Variants in CDH12 observed in about 807,000 individuals in gnomAD.
CDH12 encodes cadherin 12.
A neutral mutation model predicts 74.1 loss-of-function variants in CDH12; 41 were observed. The ratio of observed to expected loss-of-function variants is 0.55; its 90% CI spans 0.43 to 0.72. The LOEUF is 0.72. Among genes scored for constraint, CDH12 ranks in the 30% least tolerant of loss-of-function variants. The pLI is 0.00. For missense variants in CDH12, 945 were observed against 977.2 expected, an observed-to-expected ratio of 0.97 and a Z score of 0.44; for synonymous variants, 399 against 355.0, an observed-to-expected ratio of 1.12 and a Z score of -1.39.
chr5:22,268,888 T>G (rs570573805), intron 3 of CDH12, among the ~76,000 whole-genome samples: 1 of 152,246 alleles, frequency 6.6e-6, no homozygotes, highest in South Asian at 2.1e-4. Flanking sequence ...GATCTCCTAA[T>G]AAAAGTTCTA....
intron 6 of CDH12, chr5:21,889,729 T>C (rs7446301): frequency 0.99 from 974,955 of 985,232 alleles, 482,888 homozygotes; most frequent in Non-Finnish European, 1. Flanking sequence ...AAACAATATA[T>C]GGGGTTTTGT....
At chr5:22,527,539 T>C (rs542418971) in intron 1 of CDH12, among the ~76,000 whole-genome samples, 7 of 152,252 alleles carry the variant, frequency 4.6e-5, no homozygotes, top group African/African-American at 1.7e-4. Context: ...CCCATTATGG[T>C]AACCACATCC....
At chr5:21,768,220 A>G (rs1370965604) in intron 11 of CDH12, among the ~76,000 whole-genome samples, 1 of 151,788 alleles carries the variant, frequency 6.6e-6, no homozygotes. Context: ...CACATTGCCT[A>G]TATTTAATAG....
intron 3 of CDH12, among the ~76,000 whole-genome samples, chr5:22,393,721 G>A (rs1161282165): frequency 3.3e-5 from 5 of 152,142 alleles, no homozygotes; most frequent in African/African-American, 9.7e-5. Context: ...GGTAGAGAAA[G>A]TCTCTAATGC....
At chr5:22,828,964 C>T (rs929058068) in intron 1 of CDH12, among the ~76,000 whole-genome samples, 4 of 151,956 alleles carry the variant, frequency 2.6e-5, no homozygotes, top group Non-Finnish European at 5.9e-5. Context: ...TTCCTGGGCT[C>T]AAATAAAGAA....
At chr5:22,174,757 C>T (rs1173316697) in intron 4 of CDH12, among the ~76,000 whole-genome samples, 1 of 151,980 alleles carries the variant, frequency 6.6e-6, no homozygotes, top group East Asian at 1.9e-4. Context: ...CCGAATCCAC[C>T]ACACTCTGGT....
intron 10 of CDH12, 111 bp from the exon 11 acceptor site, chr5:21,783,605 C>A: frequency 2.7e-6 from 2 of 746,806 alleles, no homozygotes; most frequent in South Asian, 3.5e-5. Flanking sequence ...CTATTACCCA[C>A]CTTGCAATAA....
At chr5:22,596,310 G>A (rs575346180) in intron 1 of CDH12, among the ~76,000 whole-genome samples, 1 of 151,266 alleles carries the variant, frequency 6.6e-6, no homozygotes, top group African/African-American at 2.4e-5. Context: ...GTGTGGTGGC[G>A]GACAGCTATA....
At chr5:22,562,084 G>A (rs1163004983) in intron 1 of CDH12, among the ~76,000 whole-genome samples, 1 of 152,172 alleles carries the variant, frequency 6.6e-6, no homozygotes, top group East Asian at 1.9e-4. Flanking sequence ...TTGGGAGGCC[G>A]AGGCGGGCGG....
chr5:21,893,411 AAAG>A (rs1752980996), intron 6 of CDH12, among the ~76,000 whole-genome samples: 1 of 152,198 alleles, frequency 6.6e-6, no homozygotes, highest in South Asian at 2.1e-4. Flanking sequence ...GCCCATTAGA[AAAG>A]AAGCGGGAAT....
rs202224826 is a variant in CDH12 at position 21,932,169 on chromosome 5, A to C, written c.526+42922T>G. Among the ~76,000 whole-genome samples the C allele has an allele frequency of 6.6e-5, 10 of 152,322 alleles. No individual in the cohort carries two copies. The East Asian group carries it at 1.5e-3, about 23-fold the overall frequency. ...ATTTTATTTTAAAGTGTTGGAATTA[A>C]CTCTACCTCATATGCTGGTCAAATA... is the stretch of plus-strand genomic sequence containing the variant. On this transcript the variant is annotated intron_variant, in intron 6 of 14. Coordinates refer to ENST00000382254, the MANE Select transcript of CDH12 (RefSeq NM_004061.5).
chr5:22,426,370 A>C (rs1743940455), intron 2 of CDH12, among the ~76,000 whole-genome samples: 1 of 151,786 alleles, frequency 6.6e-6, no homozygotes, highest in Non-Finnish European at 1.5e-5. Context: ...TCAAAGAATA[A>C]AATGAATTTC....
chr5:22,066,875 A>C (rs1561075451), intron 5 of CDH12, among the ~76,000 whole-genome samples: 1 of 152,200 alleles, frequency 6.6e-6, no homozygotes, highest in Non-Finnish European at 1.5e-5. Flanking sequence ...TCATAAGCTT[A>C]GTCAGGTGGT....
intron 3 of CDH12, among the ~76,000 whole-genome samples, chr5:22,216,280 G>A (rs1580414357): frequency 1.3e-5 from 2 of 152,072 alleles, no homozygotes; most frequent in African/African-American, 4.8e-5. Flanking sequence ...CAGGGAACTT[G>A]TGATTTATGT....
intron 1 of CDH12, among the ~76,000 whole-genome samples, chr5:22,812,847 G>C (rs971578433): frequency 1.3e-5 from 2 of 152,024 alleles, no homozygotes; most frequent in Non-Finnish European, 2.9e-5. Flanking sequence ...TCTGTGACTA[G>C]AGGCAACGGA....
chr5:22,538,828 G>C (rs1217528496), intron 1 of CDH12, among the ~76,000 whole-genome samples: 2 of 152,160 alleles, frequency 1.3e-5, no homozygotes, highest in African/African-American at 4.8e-5. Context: ...CTAAAATAAG[G>C]TATTGCAGGT....
chr5:22,847,200 G>A (rs1737347802), intron 1 of CDH12, among the ~76,000 whole-genome samples: 1 of 152,040 alleles, frequency 6.6e-6, no homozygotes, highest in Non-Finnish European at 1.5e-5. Context: ...ATTTATTTGA[G>A]GTTTTCTATT....
At chr5:21,854,041 A>C (rs76955649) in intron 7 of CDH12, among the ~76,000 whole-genome samples, 7,351 of 151,800 alleles carry the variant, frequency 0.048, 212 homozygotes, top group African/African-American at 0.08. Context: ...TCATTTATTT[A>C]AAAGGAAAGA....
chr5:22,575,941 C>T (rs936461805), intron 1 of CDH12, among the ~76,000 whole-genome samples: 4 of 151,868 alleles, frequency 2.6e-5, no homozygotes, highest in Non-Finnish European at 5.9e-5. Flanking sequence ...ACAGGCTGGT[C>T]TGAAATTCCT....
Sources: allele counts gnomAD v4.1 joint callset (sites outside exome capture counted in the v4.1 genomes callset), GRCh38; gene constraint gnomAD v4.1.1; transcripts MANE v1.5; gene names NCBI Gene and HGNC (gene_info 2026-07-23, HGNC 2026-07-21).